The following ICA1 variants were observed in gnomAD, a reference collection of about 807,000 sequenced individuals.
ICA1 encodes the protein 69 kDa islet cell autoantigen.
In ICA1, 40 loss-of-function variants were observed where a neutral mutation model predicts 71.0. The observed-to-expected ratio is 0.56, with a 90% CI of 0.44 to 0.73. The LOEUF (loss-of-function observed/expected upper bound fraction) is 0.73, where lower values mean the gene tolerates loss of function less well. ICA1 is among the 30% of genes least tolerant of loss of function. The pLI is 0.00. For synonymous variants in ICA1, 207 were observed against 209.5 expected (o/e 0.99, Z 0.10); for missense variants, 578 against 576.5 (o/e 1.00, Z -0.03).
intron 1 of ICA1, among the ~76,000 whole-genome samples, chr7:8,244,411 G>GATGGATT (rs1202465810): frequency 6.6e-6 from 1 of 152,216 alleles, no homozygotes; most frequent in African/African-American, 2.4e-5. Flanking sequence ...ATTAATTCAA[G>GATGGATT]ATGGATTAAA....
Position 8,234,777 on chromosome 7 carries a change from T to G in ICA1, c.17+1133A>C, listed in dbSNP as rs1448517212. ...TGTATAAAACTTATGTAAAAGATAA[T>G]CTCTCTATAGAATATGCACATTAAA... is the stretch of plus-strand genomic sequence containing the variant. On this transcript the variant is annotated intron_variant, in intron 2 of 13. Coordinates refer to ENST00000402384, the MANE Select transcript of ICA1 (RefSeq NM_001136020.3). The surrounding 1 kb of genome is among the most constrained non-coding windows in gnomAD (Gnocchi z 4.5). Among the ~76,000 whole-genome samples, 2 of 152,194 alleles carry G rather than the reference T, an allele frequency of 1.3e-5. No homozygotes were observed. The highest frequency in any genetic ancestry group is 6.5e-5 in the Admixed American group (1 of 15,276).
chr7:8,165,315 G>A (rs906842582), intron 6 of ICA1, among the ~76,000 whole-genome samples: 8 of 152,172 alleles, frequency 5.3e-5, no homozygotes, highest in Non-Finnish European at 8.8e-5. Context: ...ATTATGCAAA[G>A]AAGTATGTGT....
chr7:8,169,509 A>G (rs1807468711), intron 6 of ICA1, among the ~76,000 whole-genome samples: 1 of 152,108 alleles, frequency 6.6e-6, no homozygotes, highest in South Asian at 2.1e-4. Context: ...TTTGCTCCAC[A>G]TCCTCATTAA....
intron 8 of ICA1, among the ~76,000 whole-genome samples, chr7:8,148,964 C>G (rs1368613845): frequency 6.6e-6 from 1 of 152,184 alleles, no homozygotes; most frequent in Non-Finnish European, 1.5e-5. Flanking sequence ...AAACGCTCAA[C>G]TCGGGGTAGA....
intron 6 of ICA1, among the ~76,000 whole-genome samples, chr7:8,168,291 T>C (rs1008034892): frequency 6.6e-6 from 1 of 152,174 alleles, no homozygotes; most frequent in African/African-American, 2.4e-5. Context: ...ACTCCAGTGT[T>C]TCCAAAATTT....
chr7:8,182,089 A>G (rs1445787075), intron 6 of ICA1, among the ~76,000 whole-genome samples: 3 of 152,024 alleles, frequency 2.0e-5, no homozygotes, highest in Non-Finnish European at 4.4e-5. Flanking sequence ...CTGGGCTTTC[A>G]CATATCCTAC....
intron 12 of ICA1, among the ~76,000 whole-genome samples, chr7:8,128,731 G>T (rs967065387): frequency 6.6e-6 from 1 of 152,184 alleles, no homozygotes; most frequent in East Asian, 1.9e-4. Flanking sequence ...AGGAAAAGTG[G>T]GTCTGGTTTG....
At chr7:8,180,085 T>C (rs1390298162) in intron 6 of ICA1, among the ~76,000 whole-genome samples, 4 of 152,096 alleles carry the variant, frequency 2.6e-5, no homozygotes, top group Non-Finnish European at 5.9e-5. Context: ...TTTTGCTCCA[T>C]ACACTTTTAA....
rs1801932556 is a variant in ICA1 at position 8,157,222 on chromosome 7, G to C, written c.706-8C>G. 1.9e-6 allele frequency: 3 copies of C among 1,594,386 alleles called. No individual in the cohort carries two copies. The South Asian group carries it at 3.4e-5, about 18-fold the overall frequency. On this transcript the variant is annotated splice_region_variant and splice_polypyrimidine_tract_variant and intron_variant, in intron 7 of 13. Transcript: ENST00000402384. ...AAAATGAAGCAGAGTGGTCTGCAAAGAAAGACAGTAAAGCTATTAATGTTT... is the reference window on the plus strand; with the variant it reads ...AAAATGAAGCAGAGTGGTCTGCAAACAAAGACAGTAAAGCTATTAATGTTT...
At chr7:8,239,488 A>G (rs1356172710) in intron 1 of ICA1, among the ~76,000 whole-genome samples, 1 of 152,216 alleles carries the variant, frequency 6.6e-6, no homozygotes, top group African/African-American at 2.4e-5. Flanking sequence ...GCTGACGCAG[A>G]AGATGGGTGA....
chr7:8,173,920 A>G lies in ICA1; in HGVS notation c.580-15268T>C, dbSNP rs1779667700. Reference sequence around the variant, plus strand: ...GTTGTAGTGGGTGAAACTGGACAATAAATAACAAAAGTAAACATATTGTCT... The same window carrying G: ...GTTGTAGTGGGTGAAACTGGACAATGAATAACAAAAGTAAACATATTGTCT... On this transcript the variant is annotated intron_variant, in intron 6 of 13. Coordinates refer to ENST00000402384, the MANE Select transcript of ICA1 (RefSeq NM_001136020.3). This position sits in a 1 kb window ranked among gnomAD's most constrained non-coding sequence, Gnocchi z 4.0. 6.6e-6 allele frequency among the ~76,000 whole-genome samples: 1 copy of G among 152,192 alleles called. No individual in the cohort carries two copies. Among genetic ancestry groups the G allele is most frequent in the African/African-American group, 2.4e-5 (1 of 41,442 alleles).
intron 13 of ICA1, chr7:8,116,500 T>C (rs1784854058): frequency 6.6e-6 from 1 of 152,148 alleles, no homozygotes; most frequent in Non-Finnish European, 1.5e-5. Flanking sequence ...AATCCAAAAA[T>C]ATGAAAAATG....
chr7:8,177,827 G>C (rs897392927), intron 6 of ICA1, among the ~76,000 whole-genome samples: 3 of 152,198 alleles, frequency 2.0e-5, no homozygotes, highest in Non-Finnish European at 4.4e-5. Context: ...GTCCTGAATA[G>C]AGTGAATGGG....
At chr7:8,257,494 G>C (rs1410991140) in intron 1 of ICA1, among the ~76,000 whole-genome samples, 1 of 152,162 alleles carries the variant, frequency 6.6e-6, no homozygotes, top group Non-Finnish European at 1.5e-5. Flanking sequence ...TCACTAACTA[G>C]AACCAGAGGA....
Position 8,173,650 on chromosome 7 carries a change from T to A in ICA1, c.580-14998A>T, listed in dbSNP as rs1779569504. ...TAATAAATGAAGAAGGAATATAATCTGTTTCCAGTAGCAGGCCTGTCTTTC... is the reference window on the plus strand; with the variant it reads ...TAATAAATGAAGAAGGAATATAATCAGTTTCCAGTAGCAGGCCTGTCTTTC... On this transcript the variant is annotated intron_variant, in intron 6 of 13. Transcript: ENST00000402384. The surrounding 1 kb of genome is among the most constrained non-coding windows in gnomAD (Gnocchi z 4.0). Among the ~76,000 whole-genome samples the A allele has an allele frequency of 6.6e-6, 1 of 152,250 alleles. No individual in the cohort carries two copies. Among genetic ancestry groups the A allele is most frequent in the Non-Finnish European group, 1.5e-5 (1 of 68,032 alleles).
chr7:8,244,081 A>T (rs187361615), intron 1 of ICA1, among the ~76,000 whole-genome samples: 4 of 152,336 alleles, frequency 2.6e-5, no homozygotes, highest in African/African-American at 7.2e-5. Flanking sequence ...ATGGAATCAA[A>T]AAAGAGCCTG....
rs1047103592 is a variant in ICA1 at position 8,159,498 on chromosome 7, T to G, written c.580-846A>C. On this transcript the variant is annotated intron_variant, in intron 6 of 13. Coordinates refer to ENST00000402384, the MANE Select transcript of ICA1 (RefSeq NM_001136020.3). ...AGGCTGAGGTGGGTGGATCACTTGA[T>G]CTCAGGAGTTTGAGACCAGCCTGGG... Among the ~76,000 whole-genome samples, 3 of 152,124 alleles carry G rather than the reference T, an allele frequency of 2.0e-5. No individual in the cohort carries two copies. The South Asian group carries it at 6.2e-4, about 32-fold the overall frequency.
intron 13 of ICA1, chr7:8,114,266 T>G: frequency 3.6e-5 from 20 of 549,138 alleles, no homozygotes; most frequent in East Asian, 6.4e-5. Flanking sequence ...TAACAAGCTC[T>G]TGTGTTAACA....
chr7:8,133,846 CTTTT>C (rs57086182), intron 12 of ICA1, among the ~76,000 whole-genome samples: 5 of 118,878 alleles, frequency 4.2e-5, no homozygotes, highest in Admixed American at 8.8e-5. Flanking sequence ...AAAAATCATA[CTTTT>C]TTTTTTTTTT....
Sources: gnomAD v4.1 joint callset for allele counts (sites outside exome capture counted in the v4.1 genomes callset) on GRCh38, gnomAD v4.1.1 for gene constraint, Gnocchi (gnomAD v3.1) non-coding constraint, MANE v1.5 for transcripts, NCBI Gene and HGNC (gene_info 2026-07-23, HGNC 2026-07-21) for gene names.